PCGF2: variants seen among roughly 807,000 people sequenced by gnomAD.
The protein encoded by PCGF2 is polycomb group ring finger 2.
Under a neutral mutation model 36.1 loss-of-function variants are expected in PCGF2, and 8 were observed. The observed-to-expected ratio is 0.22, with a 90% CI of 0.13 to 0.40. The LOEUF is 0.40. Ranked by LOEUF, PCGF2 falls within the 10% of genes least tolerant of loss-of-function variation. The probability of loss-of-function intolerance (pLI) is 1.00; values close to 1 mark genes in which losing one functional copy is unlikely to be tolerated. For missense variants in PCGF2, 436 were observed against 475.9 expected (o/e 0.92, Z 0.78); for synonymous variants, 198 against 191.2 (o/e 1.04, Z -0.29).
Position 38,735,534 on chromosome 17 carries a change from G to A in PCGF2, c.724C>T (p.Pro242Ser), listed in dbSNP as rs772093442. 2 of 1,589,210 alleles carry A rather than the reference G, an allele frequency of 1.3e-6. No individual in the cohort carries two copies. Among genetic ancestry groups the A allele is most frequent in the Admixed American group, 3.5e-5 (2 of 56,548 alleles). Residue 242 changes from proline (P) to serine (S), a missense_variant, in exon 11 of 11, where the codon CCC becomes TCC. Around this residue, in one of 3 missense-constraint regions of PCGF2, gnomAD observed 227 missense variants for 212.9 expected, o/e 1.07. Coordinates refer to ENST00000620225, the MANE Select transcript of PCGF2 (RefSeq NM_007144.3). ...ACKRLTLATV[P>S]TPSEGTNTSG... is the part of the protein sequence containing the mutation. The stretch of plus-strand genomic sequence containing the variant: ...GTGTTGGTGCCCTCGGAGGGGGTGG[G>A]CACCGTGGCTAGGGTGAGCCGCTTG...
upstream of PCGF2, among the ~76,000 whole-genome samples, chr17:38,748,560 G>A (rs1476531973): frequency 6.6e-6 from 1 of 152,166 alleles, no homozygotes; most frequent in African/African-American, 2.4e-5. Context: ...TCCCTAGCCA[G>A]GACGAGACCC....
At chr17:38,736,625 G>C (rs1335864780) in intron 9 of PCGF2, among the ~76,000 whole-genome samples, 2 of 151,672 alleles carry the variant, frequency 1.3e-5, no homozygotes, top group African/African-American at 4.8e-5. Flanking sequence ...ACAAGGTCAG[G>C]AGATCGAGAC....
chr17:38,735,102 A>T lies in PCGF2; in HGVS notation c.*121T>A. 6 of 632,910 alleles carry T rather than the reference A, an allele frequency of 9.5e-6. No individual in the cohort carries two copies. Among genetic ancestry groups the T allele is most frequent in the South Asian group, 5.9e-5 (1 of 16,930 alleles). The allele number at this position is 632,910 out of a possible 1,614,324, so 39.2% of individuals were successfully genotyped here. ...ATATATATATATATTTATTTATAAA[A>T]CCCGCCCCCCACCCCCAAGGTGGGA... On this transcript the variant is annotated 3_prime_UTR_variant, in exon 11 of 11. Coordinates refer to ENST00000620225, the MANE Select transcript of PCGF2 (RefSeq NM_007144.3).
At chr17:38,749,445 T>C (rs1907779054), upstream of PCGF2, 4 of 348,836 alleles carry the variant, frequency 1.1e-5, no homozygotes, top group South Asian at 4.1e-5. This position sits in a 1 kb window ranked among gnomAD's most constrained non-coding sequence, Gnocchi z 6.5. Context: ...GGAGTAGCGG[T>C]GAGGCCGACG....
chr17:38,749,673 C>A (rs865894564), upstream of PCGF2: 5 of 455,930 alleles, frequency 1.1e-5, no homozygotes, highest in Middle Eastern at 6.5e-4. This position sits in a 1 kb window ranked among gnomAD's most constrained non-coding sequence, Gnocchi z 6.5. Flanking sequence ...AGTTTTGGAG[C>A]GCCTGCCTCC....
upstream of PCGF2, chr17:38,749,767 A>G (rs1375350644): frequency 2.2e-6 from 1 of 453,420 alleles, no homozygotes; most frequent in Non-Finnish European, 4.5e-6. This position sits in a 1 kb window ranked among gnomAD's most constrained non-coding sequence, Gnocchi z 6.5. Context: ...GGCGACCAGG[A>G]GACCTGCGCA....
intron 3 of PCGF2, 54 bp downstream of exon 3, chr17:38,740,237 C>T: frequency 6.6e-7 from 1 of 1,517,966 alleles, no homozygotes; most frequent in East Asian, 2.3e-5. Context: ...GTGCCCGCCC[C>T]AATCTGGGCA....
At chr17:38,740,967 C>A (rs1410717341) in intron 2 of PCGF2, among the ~76,000 whole-genome samples, 1 of 152,102 alleles carries the variant, frequency 6.6e-6, no homozygotes, top group Non-Finnish European at 1.5e-5. Flanking sequence ...CAGCCTTGAG[C>A]AACAAGGTTA....
At chr17:38,740,577 G>GCA (rs1416936043) in intron 2 of PCGF2, 135 bp from the exon 3 acceptor site, 2 of 596,912 alleles carry the variant, frequency 3.4e-6, no homozygotes, top group Non-Finnish European at 5.7e-6. Context: ...GACTAACATG[G>GCA]TGAAACCCCA....
chr17:38,738,543 T>C lies in PCGF2; in HGVS notation c.478A>G (p.Lys160Glu). The C allele has an allele frequency of 6.2e-7, 1 of 1,603,618 alleles. No individual in the cohort carries two copies. The highest frequency in any genetic ancestry group is 8.5e-7 in the Non-Finnish European group (1 of 1,173,770). The change falls in exon 8 of 11, where the codon AAA (lysine) becomes GAA (glutamate). Residue 160 changes from lysine to glutamate, a missense_variant and splice_region_variant. Physicochemically the swap from Lys to Glu is moderately conservative, Grantham distance 56. Coordinates refer to ENST00000620225, the MANE Select transcript of PCGF2 (RefSeq NM_007144.3). ...PLENGDGDKE[K>E]TGVRFLRCPA... ...CCTGGGCAGGCCCCAGCACTCACTT[T>C]CTCTTTGTCCCCATCCCCATTCTCC... is the stretch of plus-strand genomic sequence containing the variant.
chr17:38,747,265 C>G (rs1046782776), intron 2 of PCGF2, among the ~76,000 whole-genome samples: 62 of 152,122 alleles, frequency 4.1e-4, no homozygotes, highest in African/African-American at 1.4e-3. Flanking sequence ...GCCCGGGGGT[C>G]CCACGCCCTC....
At position 38,735,279 on chromosome 17, in the gene PCGF2, T is replaced by G; in HGVS notation, c.979A>C (p.Thr327Pro). The change falls in exon 11 of 11, where the codon ACC (threonine) becomes CCC (proline). Residue 327 changes from threonine to proline, a missense_variant. Coordinates refer to ENST00000620225, the MANE Select transcript of PCGF2 (RefSeq NM_007144.3). ...ACAGTCATCTTGCGCCCCCTGCTGG[T>G]GGAGGATGGTGTCTGCAGGCAGTTC... ...SLNCLQTPSS[T>P]SRGRKMTVNG... The G allele has an allele frequency of 1.4e-6, 2 of 1,471,896 alleles. No individual in the cohort carries two copies. The highest frequency in any genetic ancestry group is 1.4e-5 in the South Asian group (1 of 71,964). 91.2% of individuals were successfully genotyped at this position (1,471,896 alleles called of 1,614,324 possible). A position where few individuals can be genotyped will look rare whatever the true frequency, so the allele number is the denominator to read the frequency against.
chr17:38,739,724 C>T lies in PCGF2; in HGVS notation c.113-42G>A, dbSNP rs373098686. 40 of 1,455,592 alleles carry T rather than the reference C, an allele frequency of 2.7e-5. No individual in the cohort carries two copies. Among genetic ancestry groups the T allele is most frequent in the Middle Eastern group, 1.7e-4 (1 of 5,740 alleles). The allele number at this position is 1,455,592 out of a possible 1,614,324, so 90.2% of individuals were successfully genotyped here. Reference sequence around the variant, plus strand: ...GAGAGAGGAGAGTCAGAGCCAACTTCCAACTCCAGGACCAGCCTCCCCGCC... The same window carrying T: ...GAGAGAGGAGAGTCAGAGCCAACTTTCAACTCCAGGACCAGCCTCCCCGCC... On this transcript the variant is annotated intron_variant, in intron 3 of 10. Transcript: ENST00000620225. The surrounding 1 kb of genome is among the most constrained non-coding windows in gnomAD (Gnocchi z 4.0).
At chr17:38,740,180 G>T in intron 3 of PCGF2, 111 bp downstream of exon 3, 1 of 901,636 alleles carries the variant, frequency 1.1e-6, no homozygotes, top group Non-Finnish European at 1.8e-6. Flanking sequence ...ACACGTGGGC[G>T]CGTTGGCTCT....
chr17:38,735,333 C>A lies in PCGF2; in HGVS notation c.925G>T (p.Ala309Ser). The stretch of plus-strand genomic sequence containing the variant: ...CTACCCCCGTTGGCAGCTGTGGTGG[C>A]CCCACTGGCTGTCGAAGGGGGAGTG... ...SPTPPSTASG[A>S]TTAANGGSLN... Residue 309 changes from alanine to serine, a missense_variant, in exon 11 of 11, where the codon GCC becomes TCC. This residue lies in a region of PCGF2 where 227 missense variants were observed against 212.9 expected (regional missense o/e 1.07). Coordinates refer to ENST00000620225, the MANE Select transcript of PCGF2 (RefSeq NM_007144.3). The A allele has an allele frequency of 6.4e-7, 1 of 1,550,774 alleles. No individual in the cohort carries two copies. The highest frequency in any genetic ancestry group is 8.7e-7 in the Non-Finnish European group (1 of 1,144,000).
At chr17:38,743,943 G>A (rs538896476) in intron 2 of PCGF2, among the ~76,000 whole-genome samples, 2 of 152,274 alleles carry the variant, frequency 1.3e-5, no homozygotes, top group African/African-American at 4.8e-5. Flanking sequence ...AAGAACTCGA[G>A]GGAGAAAGAG....
At chr17:38,741,086 T>A (rs145146899) in intron 2 of PCGF2, among the ~76,000 whole-genome samples, 123 of 151,984 alleles carry the variant, frequency 8.1e-4, no homozygotes, top group Non-Finnish European at 1.4e-3. Context: ...AGAGGGTTTT[T>A]AAAACTCTTT....
chr17:38,738,601 G>A lies in PCGF2; in HGVS notation c.426-6C>T. Reference sequence around the variant, plus strand: ...CCTTCTTCTCGTCCCGGTCCCTGGGGACGGAGAAAGAATGAAGCTAGGAAG... The same window carrying A: ...CCTTCTTCTCGTCCCGGTCCCTGGGAACGGAGAAAGAATGAAGCTAGGAAG... On this transcript the variant is annotated splice_polypyrimidine_tract_variant and splice_region_variant and intron_variant, in intron 7 of 10. Transcript: ENST00000620225. 1.9e-6 allele frequency: 3 copies of A among 1,568,420 alleles called. No homozygotes were observed. Among genetic ancestry groups the A allele is most frequent in the Non-Finnish European group, 2.6e-6 (3 of 1,158,618 alleles).
At chr17:38,748,601 G>A (rs1288549975), upstream of PCGF2, among the ~76,000 whole-genome samples, 1 of 152,138 alleles carries the variant, frequency 6.6e-6, no homozygotes, top group Non-Finnish European at 1.5e-5. Flanking sequence ...CCCGACCCCG[G>A]AGGATGGATT....
Sources: allele counts gnomAD v4.1 joint callset (sites outside exome capture counted in the v4.1 genomes callset), GRCh38; gene constraint gnomAD v4.1.1; regional missense constraint gnomAD v4.1.1; non-coding constraint Gnocchi (gnomAD v3.1); transcripts MANE v1.5; gene names NCBI Gene and HGNC (gene_info 2026-07-23, HGNC 2026-07-21).